The following PPP3CA variants were observed in gnomAD, a reference collection of about 807,000 sequenced individuals.
PPP3CA encodes the protein CAM-PRP catalytic subunit.
A neutral mutation model predicts 66.5 loss-of-function variants in PPP3CA; 14 were observed. The observed-to-expected ratio is 0.21, with a 90% CI of 0.14 to 0.33. The LOEUF (loss-of-function observed/expected upper bound fraction) is 0.33. Among genes scored for constraint, PPP3CA ranks in the 10% least tolerant of loss-of-function variants. PPP3CA has a pLI of 1.00. For synonymous variants in PPP3CA, 232 were observed against 226.2 expected, an observed-to-expected ratio of 1.03 and a Z score of -0.23; for missense variants, 317 against 639.5, an observed-to-expected ratio of 0.50 and a Z score of 5.44.
chr4:101,154,991 A>G (rs1234982427), intron 2 of PPP3CA, among the ~76,000 whole-genome samples: 2 of 151,666 alleles, frequency 1.3e-5, no homozygotes, highest in Non-Finnish European at 2.9e-5. Context: ...TAATTTTTGT[A>G]TTTTTAGTAG....
intron 1 of PPP3CA, among the ~76,000 whole-genome samples, chr4:101,298,320 T>C (rs1728258072): frequency 6.7e-6 from 1 of 149,022 alleles, no homozygotes; most frequent in Non-Finnish European, 1.5e-5. Flanking sequence ...TAACTAACAA[T>C]ACCTATACCA....
chr4:101,335,268 T>C (rs969858683), intron 1 of PPP3CA, among the ~76,000 whole-genome samples: 1 of 151,880 alleles, frequency 6.6e-6, no homozygotes, highest in African/African-American at 2.4e-5. Context: ...CCAAATTCAA[T>C]GGCGTTAGGA....
chr4:101,156,764 A>G (rs1439373326), intron 2 of PPP3CA, among the ~76,000 whole-genome samples: 1 of 152,174 alleles, frequency 6.6e-6, no homozygotes. Flanking sequence ...TATGAAGGAG[A>G]ACAGGAGATA....
Position 101,179,227 on chromosome 4 carries a change from T to C in PPP3CA, c.259+16689A>G, listed in dbSNP as rs114787739. On this transcript the variant is annotated intron_variant, in intron 2 of 13. Transcript: ENST00000394854. ...GTAAGTGTAATATTGGTTCCTAGAG[T>C]GGTTCCTAGAGTGCTAGTTAAAGAA... 3.9e-3 allele frequency among the ~76,000 whole-genome samples: 589 copies of C among 151,912 alleles called. 5 individuals carry two copies. Among genetic ancestry groups the C allele is most frequent in the African/African-American group, 0.014 (562 of 41,412 alleles).
rs1456455754 is a variant in PPP3CA at position 101,106,453 on chromosome 4, GAGAAAAGAAAAGAAAAGA to G, written c.384+2483_384+2500del. Reference sequence around the variant, plus strand: ...AGAAAGAAAGAAAGAAAGAAAGAAAGAGAAAAGAAAAGAAAAGAAAAGAAAAGAAAAGAAAAGAAAAGA... The same window carrying G: ...AGAAAGAAAGAAAGAAAGAAAGAAAGAAAGAAAAGAAAAGAAAAGAAAAGA... On this transcript the variant is annotated intron_variant, in intron 3 of 13. Coordinates refer to ENST00000394854, the MANE Select transcript of PPP3CA (RefSeq NM_000944.5). Among the ~76,000 whole-genome samples, 49 of 35,516 alleles carry G rather than the reference GAGAAAAGAAAAGAAAAGA, an allele frequency of 1.4e-3. 8 individuals carry two copies. Among genetic ancestry groups the G allele is most frequent in the East Asian group, 9.2e-3 (12 of 1,310 alleles). 23.3% of individuals were successfully genotyped at this position (35,516 alleles called of 152,430 possible). A position where few individuals can be genotyped will look rare whatever the true frequency, so the allele number is the denominator to read the frequency against.
At chr4:101,230,975 T>C (rs1420046182) in intron 1 of PPP3CA, among the ~76,000 whole-genome samples, 1 of 151,740 alleles carries the variant, frequency 6.6e-6, no homozygotes, top group Non-Finnish European at 1.5e-5. Context: ...CTGTCTTTCA[T>C]GAATCACTTT....
intron 2 of PPP3CA, among the ~76,000 whole-genome samples, chr4:101,138,530 A>G (rs1026585056): frequency 3.3e-5 from 5 of 152,198 alleles, no homozygotes; most frequent in African/African-American, 1.2e-4. Context: ...GGGTTTTAGA[A>G]TATTTATCTA....
In PPP3CA at chr4:101,285,591, CTGTGTGTATG is replaced by C. The variant is rs1226949949; in HGVS notation, c.58+61138_58+61147del. Among the ~76,000 whole-genome samples, 792 of 131,858 alleles carry C rather than the reference CTGTGTGTATG, an allele frequency of 6.0e-3. 9 individuals carry two copies. The highest frequency in any genetic ancestry group is 0.021 in the African/African-American group (727 of 34,060). The allele number at this position is 131,858 out of a possible 152,430, so 86.5% of individuals were successfully genotyped here. On this transcript the variant is annotated intron_variant, in intron 1 of 13. Transcript: ENST00000394854. The stretch of plus-strand genomic sequence containing the variant: ...CCTTTCCCTTCCCTTTCAAATGCCA[CTGTGTGTATG>C]TGTGTGTGTGTGTGTGTGTGTGTGT...
At chr4:101,093,655 T>C in intron 6 of PPP3CA, 121 bp downstream of exon 6, 1 of 1,015,108 alleles carries the variant, frequency 9.9e-7, no homozygotes, top group Non-Finnish European at 1.4e-6. Context: ...TAAATGCTAG[T>C]GAGCCTTTCA....
At chr4:101,086,074 T>C (rs1359161418) in intron 6 of PPP3CA, among the ~76,000 whole-genome samples, 1 of 152,086 alleles carries the variant, frequency 6.6e-6, no homozygotes, top group African/African-American at 2.4e-5. Context: ...TTTATTATCT[T>C]AGGAACATAA....
At chr4:101,322,954 CAT>C (rs1288444906) in intron 1 of PPP3CA, among the ~76,000 whole-genome samples, 1 of 152,058 alleles carries the variant, frequency 6.6e-6, no homozygotes, top group East Asian at 1.9e-4. Context: ...CTACACTCAG[CAT>C]ATATATGTGT....
chr4:101,254,513 C>T (rs561624914), intron 1 of PPP3CA, among the ~76,000 whole-genome samples: 1 of 151,716 alleles, frequency 6.6e-6, no homozygotes, highest in South Asian at 2.1e-4. Flanking sequence ...ATCATATTAC[C>T]TAATGCTAAT....
chr4:101,281,921 A>T (rs1014495097), intron 1 of PPP3CA, among the ~76,000 whole-genome samples: 8 of 152,226 alleles, frequency 5.3e-5, no homozygotes, highest in African/African-American at 1.7e-4. Flanking sequence ...GGAGGAAAAC[A>T]GAAGAATCTG....
intron 2 of PPP3CA, among the ~76,000 whole-genome samples, chr4:101,167,903 C>A (rs75447779): frequency 6.6e-6 from 1 of 152,098 alleles, no homozygotes; most frequent in Non-Finnish European, 1.5e-5. Context: ...AAAGGCAGAA[C>A]AGGCAAAGGA....
At chr4:101,106,391 A>G (rs543831689) in intron 3 of PPP3CA, among the ~76,000 whole-genome samples, 2 of 5,832 alleles carry the variant, frequency 3.4e-4, no homozygotes, top group African/African-American at 1.0e-3. Context: ...GAAAGAAAGA[A>G]AGAAAGAAAG....
chr4:101,123,832 G>T (rs1722111971), intron 2 of PPP3CA, among the ~76,000 whole-genome samples: 1 of 152,160 alleles, frequency 6.6e-6, no homozygotes, highest in Non-Finnish European at 1.5e-5. Context: ...ACCTATCTAA[G>T]CCTCAAGTTC....
chr4:101,251,950 AG>A (rs1726690641), intron 1 of PPP3CA, among the ~76,000 whole-genome samples: 1 of 152,138 alleles, frequency 6.6e-6, no homozygotes, highest in Non-Finnish European at 1.5e-5. Context: ...CCTTCATCAA[AG>A]TTTTAAACTG....
chr4:101,213,675 T>C (rs963563643), intron 1 of PPP3CA, among the ~76,000 whole-genome samples: 10 of 152,074 alleles, frequency 6.6e-5, no homozygotes, highest in African/African-American at 2.2e-4. Flanking sequence ...CCCTATGTAA[T>C]AGGTATCACA....
chr4:101,038,431 G>A (rs1170496045), intron 11 of PPP3CA, among the ~76,000 whole-genome samples: 5 of 150,762 alleles, frequency 3.3e-5, no homozygotes, highest in South Asian at 2.1e-4. Context: ...GTGCAGTGGC[G>A]CGATCTCGGC....
Sources: allele counts gnomAD v4.1 joint callset (sites outside exome capture counted in the v4.1 genomes callset), GRCh38; gene constraint gnomAD v4.1.1; transcripts MANE v1.5; gene names NCBI Gene and HGNC (gene_info 2026-07-23, HGNC 2026-07-21).